The following TMEM218 variants were observed in gnomAD, a reference collection of about 807,000 sequenced individuals.
TMEM218 encodes the protein transmembrane protein 218.
Under a neutral mutation model 10.0 loss-of-function variants are expected in TMEM218, and 8 were observed. That is an observed-to-expected ratio of 0.80 (90% CI 0.47 to 1.44). The LOEUF is 1.44. Among genes scored for constraint, TMEM218 ranks in the 40% most tolerant of loss-of-function variants. The pLI, the probability that TMEM218 is intolerant of heterozygous loss-of-function variation, is 0.00. For synonymous variants in TMEM218, 66 were observed against 63.5 expected (o/e 1.04, Z -0.18); for missense variants, 110 against 140.1 (o/e 0.79, Z 1.08).
chr11:125,103,377 A>G, intron 1 of TMEM218: 1 of 152,352 alleles, frequency 6.6e-6, no homozygotes, highest in Non-Finnish European at 1.5e-5. Context: ...ACTGTCTTCC[A>G]TGAAACCAGT....
chr11:125,109,453 T>C (rs7110698), intron 1 of TMEM218, among the ~76,000 whole-genome samples: 41,166 of 152,178 alleles, frequency 0.27, 5,828 homozygotes, highest in Middle Eastern at 0.34. Flanking sequence ...ATGTTTTATT[T>C]CTTTAAAATA....
At position 125,096,249 on chromosome 11, in the gene TMEM218, A is replaced by T. The variant is rs910575331; in HGVS notation, c.*1357T>A. On this transcript the variant is annotated 3_prime_UTR_variant, in exon 5 of 5. Transcript: ENST00000682305. ...GTGGTTACCTGTTCTCTCTTCTTGG[A>T]ATTTAGAGCTTAGTTGCCTGTGGGG... Among the ~76,000 whole-genome samples the T allele has an allele frequency of 6.6e-6, 1 of 152,274 alleles. No homozygotes were observed. The highest frequency in any genetic ancestry group is 3.4e-3 in the Middle Eastern group (1 of 294).
In TMEM218 at chr11:125,095,606, G is replaced by A. The variant is rs1308107640; in HGVS notation, c.*2000C>T. ...GTCTGTAGACTGTAGGTCAAGTCAA[G>A]CTGAAATAAACTTTGCACAGGGTAT... is the stretch of plus-strand genomic sequence containing the variant. On this transcript the variant is annotated 3_prime_UTR_variant, in exon 5 of 5. Coordinates refer to ENST00000682305, the MANE Select transcript of TMEM218 (RefSeq NM_001258244.2). Among the ~76,000 whole-genome samples, 1 of 151,192 alleles carries A rather than the reference G, an allele frequency of 6.6e-6. No individual in the cohort carries two copies. The highest frequency in any genetic ancestry group is 2.4e-5 in the African/African-American group (1 of 41,132).
At chr11:125,106,432 A>T (rs1253729071) in intron 1 of TMEM218, among the ~76,000 whole-genome samples, 1 of 152,210 alleles carries the variant, frequency 6.6e-6, no homozygotes, top group Non-Finnish European at 1.5e-5. Context: ...TATAAAGCCA[A>T]AACTGACAGA....
At chr11:125,107,110 A>AT (rs1952359701) in intron 1 of TMEM218, among the ~76,000 whole-genome samples, 1 of 152,232 alleles carries the variant, frequency 6.6e-6, no homozygotes, top group Admixed American at 6.5e-5. Context: ...AGTTCATAGT[A>AT]TATGAGTCCA....
chr11:125,107,112 A>G (rs1304006188), intron 1 of TMEM218, among the ~76,000 whole-genome samples: 1 of 152,230 alleles, frequency 6.6e-6, no homozygotes, highest in Admixed American at 6.5e-5. Flanking sequence ...TTCATAGTAT[A>G]TGAGTCCATT....
rs1949797144 is a variant in TMEM218 at position 125,097,478 on chromosome 11, G to C, written c.*128C>G. ...CAGGACTCCAGAGATTTGTCTTAGT[G>C]ATGGACAGATACTCCTCTAACCTTA... On this transcript the variant is annotated 3_prime_UTR_variant, in exon 5 of 5. Coordinates refer to ENST00000682305, the MANE Select transcript of TMEM218 (RefSeq NM_001258244.2). 3.8e-6 allele frequency: 4 copies of C among 1,056,118 alleles called. No homozygotes were observed. The highest frequency in any genetic ancestry group is 5.4e-6 in the Non-Finnish European group (4 of 747,154). The allele number at this position is 1,056,118 out of a possible 1,614,324, so 65.4% of individuals were successfully genotyped here. A position where few individuals can be genotyped will look rare whatever the true frequency, so the allele number is the denominator to read the frequency against.
intron 4 of TMEM218, among the ~76,000 whole-genome samples, chr11:125,098,668 T>C (rs1950098676): frequency 6.6e-6 from 1 of 152,162 alleles, no homozygotes; most frequent in African/African-American, 2.4e-5. Context: ...CCCCAGAAAT[T>C]GTGAATATGT....
rs139223519 is a variant in TMEM218, at chr11:125,106,139, G to C, written c.-152-3330C>G. On this transcript the variant is annotated intron_variant, in intron 1 of 4. Coordinates refer to ENST00000682305, the MANE Select transcript of TMEM218 (RefSeq NM_001258244.2). Reference sequence around the variant, plus strand: ...CAAGATGAAAGCATCTTGGAGCTCTGTTTCACAACACTGTGAATATACTTA... The same window carrying C: ...CAAGATGAAAGCATCTTGGAGCTCTCTTTCACAACACTGTGAATATACTTA... 2.5e-3 allele frequency among the ~76,000 whole-genome samples: 377 copies of C among 152,202 alleles called. 4 individuals are homozygous for C. The highest frequency in any genetic ancestry group is 8.8e-3 in the African/African-American group (364 of 41,528).
intron 1 of TMEM218, among the ~76,000 whole-genome samples, chr11:125,105,232 G>A (rs1229311589): frequency 3.9e-5 from 6 of 152,178 alleles, no homozygotes; most frequent in African/African-American, 1.4e-4. Context: ...CAATACTACC[G>A]ATGTGATATG....
intron 1 of TMEM218, among the ~76,000 whole-genome samples, chr11:125,110,071 T>C (rs1047696050): frequency 4.6e-5 from 7 of 152,244 alleles, no homozygotes; most frequent in African/African-American, 1.7e-4. Context: ...GGGCTGGGTA[T>C]AGTATAGAGT....
rs77657208 is a variant in TMEM218, at chr11:125,105,645, C to G, written c.-152-2836G>C. ...AAGGATAGTTCAAAGTTAAAGCATT[C>G]TACAGTGATTTTGTTTTGGAGGAGG... On this transcript the variant is annotated intron_variant, in intron 1 of 4. Coordinates refer to ENST00000682305, the MANE Select transcript of TMEM218 (RefSeq NM_001258244.2). Among the ~76,000 whole-genome samples the G allele has an allele frequency of 2.6e-3, 397 of 152,020 alleles. 3 individuals are homozygous for G. The East Asian group carries it at 0.029, about 11-fold the overall frequency.
chr11:125,099,451 C>T (rs560246169), intron 4 of TMEM218, among the ~76,000 whole-genome samples: 21 of 152,300 alleles, frequency 1.4e-4, no homozygotes, highest in South Asian at 4.1e-4. Flanking sequence ...CCAATTCTGC[C>T]GGCCATGCTG....
At chr11:125,109,330 A>T (rs1440774538) in intron 1 of TMEM218, among the ~76,000 whole-genome samples, 1 of 152,200 alleles carries the variant, frequency 6.6e-6, no homozygotes, top group East Asian at 1.9e-4. Flanking sequence ...GTATAAAAAC[A>T]TGGGCATAAA....
intron 3 of TMEM218, 37 bp downstream of exon 3, chr11:125,102,095 C>G (rs748896829): frequency 1.5e-5 from 22 of 1,496,352 alleles, no homozygotes; most frequent in Non-Finnish European, 2.0e-5. Context: ...CCTCTAATTG[C>G]TTTACCTAGG....
intron 3 of TMEM218, 149 bp downstream of exon 3, chr11:125,101,983 A>T: frequency 1.1e-6 from 1 of 874,658 alleles, no homozygotes; most frequent in Non-Finnish European, 1.7e-6. Flanking sequence ...TAACACAGTT[A>T]GTGTTTATAA....
At chr11:125,099,921 CAA>C (rs34211632) in intron 4 of TMEM218, among the ~76,000 whole-genome samples, 6 of 100,354 alleles carry the variant, frequency 6.0e-5, no homozygotes, top group Admixed American at 1.1e-4. Flanking sequence ...GAGACTGTCT[CAA>C]AAAAAAAAAA....
rs2155666 is a variant in TMEM218 at position 125,102,795 on chromosome 11, T to C, written c.-138A>G. On this transcript the variant is annotated 5_prime_UTR_variant, in exon 2 of 5. Coordinates refer to ENST00000682305, the MANE Select transcript of TMEM218 (RefSeq NM_001258244.2). ...GTTGTCGAGTTCTTATTCAAGAGGATGAAAACTCCCAGTCCTTAAAGAAGA... is the reference window on the plus strand; with the variant it reads ...GTTGTCGAGTTCTTATTCAAGAGGACGAAAACTCCCAGTCCTTAAAGAAGA... 831,411 of 1,077,034 alleles carry C rather than the reference T, an allele frequency of 0.77. 322,243 individuals are homozygous for C. The highest frequency in any genetic ancestry group is 0.96 in the African/African-American group (57,373 of 59,790). 66.7% of individuals were successfully genotyped at this position (1,077,034 alleles called of 1,614,324 possible).
In TMEM218 at chr11:125,108,272, G is replaced by T. The variant is rs1952771256; in HGVS notation, c.-153+3267C>A. On this transcript the variant is annotated intron_variant, in intron 1 of 4. Coordinates refer to ENST00000682305, the MANE Select transcript of TMEM218 (RefSeq NM_001258244.2). This position sits in a 1 kb window ranked among gnomAD's most constrained non-coding sequence, Gnocchi z 5.3. Reference sequence around the variant, plus strand: ...CCCAGAAACAGATCCATGCATTTGTGAGAACTTCCTACAGCACAGAGTTGG... The same window carrying T: ...CCCAGAAACAGATCCATGCATTTGTTAGAACTTCCTACAGCACAGAGTTGG... Among the ~76,000 whole-genome samples, 1 of 152,176 alleles carries T rather than the reference G, an allele frequency of 6.6e-6. No homozygotes were observed. The highest frequency in any genetic ancestry group is 1.5e-5 in the Non-Finnish European group (1 of 68,024).
Sources: gnomAD v4.1 joint callset for allele counts (sites outside exome capture counted in the v4.1 genomes callset) on GRCh38, gnomAD v4.1.1 for gene constraint, Gnocchi (gnomAD v3.1) non-coding constraint, MANE v1.5 for transcripts, NCBI Gene and HGNC (gene_info 2026-07-23, HGNC 2026-07-21) for gene names.